Variants in SH2B3 observed in about 807,000 individuals in gnomAD.
SH2B3 encodes the protein SH2B adapter protein 3.
SH2B3 carries 43 observed loss-of-function variants against 51.9 expected under a neutral mutation model. That is an observed-to-expected ratio of 0.83 (90% CI 0.65 to 1.07). SH2B3 has a LOEUF of 1.07. Ranked by LOEUF, SH2B3 falls within the 50% of genes least tolerant of loss-of-function variation. The pLI is 0.00. For missense variants in SH2B3, 952 were observed against 834.3 expected, an observed-to-expected ratio of 1.14 and a Z score of -1.74; for synonymous variants, 396 against 376.0, an observed-to-expected ratio of 1.05 and a Z score of -0.62.
chr12:111,408,959 T>C (rs552920021), intron 1 of SH2B3, among the ~76,000 whole-genome samples: 1 of 152,312 alleles, frequency 6.6e-6, no homozygotes, highest in Admixed American at 6.5e-5. Context: ...TAGATATTAT[T>C]GCTATTAATA....
At chr12:111,411,486 G>A (rs1480931227) in intron 1 of SH2B3, among the ~76,000 whole-genome samples, 1 of 152,116 alleles carries the variant, frequency 6.6e-6, no homozygotes. Flanking sequence ...TATTATCCAG[G>A]GTGATTAGAT....
At chr12:111,428,117 GCTC>G (rs975476175) in intron 2 of SH2B3, among the ~76,000 whole-genome samples, 3 of 152,242 alleles carry the variant, frequency 2.0e-5, no homozygotes, top group Admixed American at 2.0e-4. Context: ...ACTAGGAAAA[GCTC>G]CTGTGGCCAT....
chr12:111,418,778 G>C lies in SH2B3; in HGVS notation c.633G>C (p.Met211Ile), dbSNP rs1261162479. 3 of 1,472,906 alleles carry C rather than the reference G, an allele frequency of 2.0e-6. No homozygotes were observed. The Admixed American group carries it at 7.4e-5, about 36-fold the overall frequency. 91.2% of individuals were successfully genotyped at this position (1,472,906 alleles called of 1,614,324 possible). A position where few individuals can be genotyped will look rare whatever the true frequency, so the allele number is the denominator to read the frequency against. The change falls in exon 2 of 8, where the codon ATG (methionine) becomes ATC (isoleucine). Residue 211 changes from methionine (M) to isoleucine (I), a missense_variant. Coordinates refer to ENST00000341259, the MANE Select transcript of SH2B3 (RefSeq NM_005475.3). This position sits in a 1 kb window ranked among gnomAD's most constrained non-coding sequence, Gnocchi z 6.7. ...LRYSLADEAS[M>I]DSGARWQRGR... ...ACAGCCTGGCCGACGAGGCCTCCAT[G>C]GACAGCGGGGCACGCTGGCAGCGCG... is the stretch of plus-strand genomic sequence containing the variant.
At chr12:111,432,441 T>G (rs1872565762) in intron 2 of SH2B3, among the ~76,000 whole-genome samples, 1 of 152,192 alleles carries the variant, frequency 6.6e-6, no homozygotes, top group African/African-American at 2.4e-5. Context: ...GCTCAGTTCC[T>G]AGAAGGGGAG....
intron 2 of SH2B3, among the ~76,000 whole-genome samples, chr12:111,439,764 G>A (rs1231343566): frequency 6.6e-6 from 1 of 152,230 alleles, no homozygotes; most frequent in Non-Finnish European, 1.5e-5. Context: ...ATTCTGGACA[G>A]ACTTGGGCGT....
intron 2 of SH2B3, among the ~76,000 whole-genome samples, chr12:111,436,866 T>C (rs1014682741): frequency 6.6e-6 from 1 of 152,102 alleles, no homozygotes; most frequent in African/African-American, 2.4e-5. Context: ...CCCCAAGTCC[T>C]GTCTGTCCCA....
At chr12:111,432,698 C>T (rs1872586715) in intron 2 of SH2B3, among the ~76,000 whole-genome samples, 1 of 152,224 alleles carries the variant, frequency 6.6e-6, no homozygotes, top group Admixed American at 6.5e-5. Context: ...CTGGCAACCA[C>T]TCATCTCTTT....
chr12:111,417,364 G>C (rs1209273079), intron 1 of SH2B3, among the ~76,000 whole-genome samples: 1 of 151,960 alleles, frequency 6.6e-6, no homozygotes, highest in Non-Finnish European at 1.5e-5. Context: ...GACCAGAGTG[G>C]GCATCCTTTT....
chr12:111,423,931 G>C (rs1458039024), intron 2 of SH2B3, among the ~76,000 whole-genome samples: 1 of 152,194 alleles, frequency 6.6e-6, no homozygotes, highest in Non-Finnish European at 1.5e-5. Context: ...TGACCAACAT[G>C]GTGAAACCCC....
At chr12:111,426,573 G>A (rs575857847) in intron 2 of SH2B3, among the ~76,000 whole-genome samples, 1 of 152,208 alleles carries the variant, frequency 6.6e-6, no homozygotes, top group Non-Finnish European at 1.5e-5. Context: ...GAGAGAGACA[G>A]GAAGGCAGAA....
rs1442271391 is a variant in SH2B3 at position 111,418,330 on chromosome 12, T to G, written c.185T>G (p.Leu62Arg). 2 of 1,525,348 alleles carry G rather than the reference T, an allele frequency of 1.3e-6. No individual in the cohort carries two copies. Among genetic ancestry groups the G allele is most frequent in the Non-Finnish European group, 1.8e-6 (2 of 1,142,048 alleles). 94.5% of individuals were successfully genotyped at this position (1,525,348 alleles called of 1,614,324 possible). Residue 62 changes from leucine to arginine, a missense_variant, in exon 2 of 8, where the codon CTG becomes CGG. Coordinates refer to ENST00000341259, the MANE Select transcript of SH2B3 (RefSeq NM_005475.3). The surrounding 1 kb of genome is among the most constrained non-coding windows in gnomAD (Gnocchi z 6.7). ...HPQHAPLRAE[L>R]VSLQFTDLFQ... ...CAGCACGCGCCGCTGCGCGCCGAGC[T>G]GGTGTCGCTGCAGTTCACCGACCTC...
At chr12:111,431,060 G>C (rs1452252279) in intron 2 of SH2B3, among the ~76,000 whole-genome samples, 1 of 152,208 alleles carries the variant, frequency 6.6e-6, no homozygotes, top group African/African-American at 2.4e-5. Flanking sequence ...AGTGCAGGAG[G>C]GGCCACCTCA....
intron 1 of SH2B3, among the ~76,000 whole-genome samples, chr12:111,417,215 T>A (rs149825187): frequency 2.0e-5 from 3 of 152,320 alleles, no homozygotes; most frequent in African/African-American, 4.8e-5. Context: ...TTTAGGTTGT[T>A]TCTAGTTTTT....
intron 2 of SH2B3, among the ~76,000 whole-genome samples, chr12:111,441,071 C>A (rs866473198): frequency 1.5e-4 from 23 of 151,908 alleles, no homozygotes; most frequent in African/African-American, 5.3e-4. Context: ...CTATCCTGGG[C>A]AACAGAGAGG....
intron 2 of SH2B3, among the ~76,000 whole-genome samples, chr12:111,445,476 C>T (rs962533732): frequency 6.6e-6 from 1 of 152,218 alleles, no homozygotes; most frequent in African/African-American, 2.4e-5. Context: ...GGCTGCTGGA[C>T]CTCTGGGAGT....
chr12:111,430,333 C>T lies in SH2B3; in HGVS notation c.732+11456C>T, dbSNP rs2285519. 7.4e-4 allele frequency among the ~76,000 whole-genome samples: 113 copies of T among 152,284 alleles called. No homozygotes were observed. The East Asian group carries it at 0.021, about 29-fold the overall frequency. ...GAAACCCCCGACCGCGCTGAAACCACGGGGGCAGATGGTATCGGGGCGCTT... is the reference window on the plus strand; with the variant it reads ...GAAACCCCCGACCGCGCTGAAACCATGGGGGCAGATGGTATCGGGGCGCTT... On this transcript the variant is annotated intron_variant, in intron 2 of 7. Transcript: ENST00000341259.
chr12:111,411,264 G>A (rs1445165577), intron 1 of SH2B3, among the ~76,000 whole-genome samples: 1 of 150,808 alleles, frequency 6.6e-6, no homozygotes, highest in Non-Finnish European at 1.5e-5. Flanking sequence ...ATACTTGGAA[G>A]GACTGCTTAA....
chr12:111,447,488 A>ATG lies in SH2B3; in HGVS notation c.1180_1181insTG (p.Ser394MetfsTer18). 6.5e-7 allele frequency: 1 copy of ATG among 1,548,956 alleles called. No homozygotes were observed. The highest frequency in any genetic ancestry group is 8.7e-7 in the Non-Finnish European group (1 of 1,148,894). On this transcript the variant is annotated frameshift_variant, in exon 6 of 8. Coordinates refer to ENST00000341259, the MANE Select transcript of SH2B3 (RefSeq NM_005475.3). LOFTEE classifies it high-confidence loss of function. Reference sequence around the variant, plus strand: ...TCATGGAGTGTTCCTGGTGCGGCAGAGCGAGACGCGGCGTGGGGAATACGT... The same window carrying ATG: ...TCATGGAGTGTTCCTGGTGCGGCAGATGGCGAGACGCGGCGTGGGGAATACGT...
intron 1 of SH2B3, among the ~76,000 whole-genome samples, chr12:111,417,055 C>A (rs1404324297): frequency 6.6e-6 from 1 of 152,054 alleles, no homozygotes. Context: ...TCTAGGGTGT[C>A]TTGTTCTGCC....
Sources: gnomAD v4.1 joint callset for allele counts (sites outside exome capture counted in the v4.1 genomes callset) on GRCh38, gnomAD v4.1.1 for gene constraint, Gnocchi (gnomAD v3.1) non-coding constraint, MANE v1.5 for transcripts, NCBI Gene and HGNC (gene_info 2026-07-23, HGNC 2026-07-21) for gene names.